Variants in TLE5 observed in about 807,000 individuals in gnomAD.
The protein encoded by TLE5 is TLE family member 5, transcriptional modulator, also known as TLE family member 5.
In TLE5, 7 loss-of-function variants were observed where a neutral mutation model predicts 25.8. The observed-to-expected ratio is 0.27, with a 90% CI of 0.15 to 0.51. The LOEUF is 0.51. Ranked by LOEUF, TLE5 falls within the 20% of genes least tolerant of loss-of-function variation. The pLI, the probability that TLE5 is intolerant of heterozygous loss-of-function variation, is 0.97. For synonymous variants in TLE5, 132 were observed against 110.5 expected (o/e 1.20, Z -1.22); for missense variants, 149 against 250.7 (o/e 0.59, Z 2.74).
In TLE5 at chr19:3,056,376, G is replaced by C; in HGVS notation, c.190-20C>G. On this transcript the variant is annotated intron_variant, in intron 3 of 6. Transcript: ENST00000327141. ...GTAGTACTGTATGGGGGAGAGAGAG[G>C]GGGAGCGGGAGATGGGGGTGGGGAA... 8.8e-7 allele frequency: 1 copy of C among 1,140,590 alleles called. No individual in the cohort carries two copies. Among genetic ancestry groups the C allele is most frequent in the Non-Finnish European group, 1.2e-6 (1 of 852,298 alleles). The allele number at this position is 1,140,590 out of a possible 1,614,324, so 70.7% of individuals were successfully genotyped here.
intron 4 of TLE5, 139 bp from the exon 5 acceptor site, chr19:3,055,865 G>T: frequency 3.3e-6 from 3 of 907,078 alleles, no homozygotes; most frequent in Non-Finnish European, 4.8e-6. Flanking sequence ...AGGGTGGGAT[G>T]AGCAAAGCCG....
chr19:3,053,462 T>C lies in TLE5; in HGVS notation c.*357A>G, dbSNP rs2145252507. ...AGAGGGCTGTGGCCCAGGCAGACTGTCGGTTACACATGTTCAAAACGGGGG... is the reference window on the plus strand; with the variant it reads ...AGAGGGCTGTGGCCCAGGCAGACTGCCGGTTACACATGTTCAAAACGGGGG... On this transcript the variant is annotated 3_prime_UTR_variant, in exon 7 of 7. Transcript: ENST00000327141. The C allele has an allele frequency of 3.2e-6, 1 of 312,970 alleles. No individual in the cohort carries two copies. Among genetic ancestry groups the C allele is most frequent in the East Asian group, 6.7e-5 (1 of 14,880 alleles). The allele number at this position is 312,970 out of a possible 1,614,324, so 19.4% of individuals were successfully genotyped here. A position where few individuals can be genotyped will look rare whatever the true frequency, so the allele number is the denominator to read the frequency against.
intron 4 of TLE5, 52 bp from the exon 5 acceptor site, chr19:3,055,778 G>C: frequency 6.5e-7 from 1 of 1,549,582 alleles, no homozygotes; most frequent in Middle Eastern, 1.7e-4. Context: ...GGCAGGTGCA[G>C]GCTAGCCACA....
In TLE5 at chr19:3,062,137, C is replaced by G. The variant is rs1473741790; in HGVS notation, c.27+37G>C. The G allele has an allele frequency of 6.0e-6, 6 of 1,002,392 alleles. No individual in the cohort carries two copies. The East Asian group carries it at 3.1e-4, about 51-fold the overall frequency. The allele number at this position is 1,002,392 out of a possible 1,614,324, so 62.1% of individuals were successfully genotyped here. A position where few individuals can be genotyped will look rare whatever the true frequency, so the allele number is the denominator to read the frequency against. On this transcript the variant is annotated intron_variant, in intron 1 of 6. Transcript: ENST00000327141. ...GGGGTCGGGGGCGTAGGGCCCGGAT[C>G]CGGGGTGGGGGCGCCGGCCGGACGG...
rs1027292013 is a variant in TLE5 at position 3,058,911 on chromosome 19, C to T, written c.126-1169G>A. Among the ~76,000 whole-genome samples the T allele has an allele frequency of 7.2e-4, 109 of 152,348 alleles. 1 individual carries two copies. The highest frequency in any genetic ancestry group is 2.5e-3 in the African/African-American group (105 of 41,588). On this transcript the variant is annotated intron_variant, in intron 2 of 6. Transcript: ENST00000327141. Reference sequence around the variant, plus strand: ...TTCAAAGCTCAGCCCTTCGTCTTCCCTGCTGTGTGACTCTAGGCAAACTCC... The same window carrying T: ...TTCAAAGCTCAGCCCTTCGTCTTCCTTGCTGTGTGACTCTAGGCAAACTCC...
rs1222236599 is a variant in TLE5, at chr19:3,057,668, AGTGAC to A, written c.189+6_189+10del. The stretch of plus-strand genomic sequence containing the variant: ...CCCCCAACACTGGACCTGGGGGCGG[AGTGAC>A]GTTACCATCACATAGTGACGCTGCA... On this transcript the variant is annotated splice_donor_region_variant and intron_variant, in intron 3 of 6. Transcript: ENST00000327141. The A allele has an allele frequency of 6.2e-7, 1 of 1,612,696 alleles. No individual in the cohort carries two copies. The highest frequency in any genetic ancestry group is 8.5e-7 in the Non-Finnish European group (1 of 1,179,390).
In TLE5 at chr19:3,055,735, C is replaced by T. The variant is rs760015237; in HGVS notation, c.235-9G>A. 6.9e-6 allele frequency: 11 copies of T among 1,604,972 alleles called. No homozygotes were observed. The Admixed American group carries it at 1.9e-4, about 27-fold the overall frequency. On this transcript the variant is annotated splice_polypyrimidine_tract_variant and intron_variant, in intron 4 of 6. Transcript: ENST00000327141. Reference sequence around the variant, plus strand: ...CTTTTGACGATCTCAGCCTGGAACACACAGATGAAGCCGGCTTCAGTCCTG... The same window carrying T: ...CTTTTGACGATCTCAGCCTGGAACATACAGATGAAGCCGGCTTCAGTCCTG...
intron 4 of TLE5, 113 bp downstream of exon 4, chr19:3,056,194 CTTGGT>C (rs1599269560): frequency 1.6e-6 from 1 of 618,864 alleles, no homozygotes; most frequent in African/African-American, 2.1e-5. Context: ...ACCGGGCTGG[CTTGGT>C]GCCCAGCCGA....
Position 3,053,662 on chromosome 19 carries a change from G to T in TLE5, c.*157C>A. 1.3e-6 allele frequency: 1 copy of T among 758,166 alleles called. No individual in the cohort carries two copies. The allele number at this position is 758,166 out of a possible 1,614,324, so 47.0% of individuals were successfully genotyped here. A position where few individuals can be genotyped will look rare whatever the true frequency, so the allele number is the denominator to read the frequency against. On this transcript the variant is annotated 3_prime_UTR_variant, in exon 7 of 7. Coordinates refer to ENST00000327141, the MANE Select transcript of TLE5 (RefSeq NM_001130.6). ...GTAGGAAGAAAGCTAGAGGTGGCCT[G>T]CAAGCTGGGCTGGGGCCCCCGCCGG...
chr19:3,060,303 T>C (rs2090253616), intron 2 of TLE5, among the ~76,000 whole-genome samples: 1 of 149,776 alleles, frequency 6.7e-6, no homozygotes, highest in Admixed American at 6.7e-5. Flanking sequence ...ATAACATCTC[T>C]GGGCTTAAGT....
intron 1 of TLE5, 74 bp downstream of exon 1, chr19:3,062,100 G>T (rs1465580922): frequency 2.0e-5 from 16 of 789,256 alleles, no homozygotes; most frequent in Non-Finnish European, 2.5e-5. Context: ...GGGGGCGCGG[G>T]GCCGGGAGCC....
chr19:3,056,327 G>C lies in TLE5; in HGVS notation c.219C>G (p.Ile73Met), dbSNP rs1401494957. 2 of 1,478,410 alleles carry C rather than the reference G, an allele frequency of 1.4e-6. No homozygotes were observed. Among genetic ancestry groups the C allele is most frequent in the East Asian group, 2.9e-5 (1 of 34,180 alleles). 91.6% of individuals were successfully genotyped at this position (1,478,410 alleles called of 1,614,324 possible). Residue 73 changes from isoleucine to methionine, a missense_variant, in exon 4 of 7, where the codon ATC becomes ATG. Transcript: ENST00000327141. ...MYYEMSYGLN[I>M]EMHKQAEIVK... ...ATGGGCGTACCTGTTTGTGCATCTCGATGTTCAAGCCGTAGGACATCTCGT... is the reference window on the plus strand; with the variant it reads ...ATGGGCGTACCTGTTTGTGCATCTCCATGTTCAAGCCGTAGGACATCTCGT...
At position 3,053,727 on chromosome 19, in the gene TLE5, G is replaced by A. The variant is rs899929998; in HGVS notation, c.*92C>T. The A allele has an allele frequency of 9.3e-6, 13 of 1,400,554 alleles. No homozygotes were observed. The highest frequency in any genetic ancestry group is 2.8e-5 in the African/African-American group (2 of 70,532). 86.8% of individuals were successfully genotyped at this position (1,400,554 alleles called of 1,614,324 possible). On this transcript the variant is annotated 3_prime_UTR_variant, in exon 7 of 7. Coordinates refer to ENST00000327141, the MANE Select transcript of TLE5 (RefSeq NM_001130.6). ...ACTATGGGAGTTTAGCCAATCCCGA[G>A]CTCCGCTGTGTCTTGTGCTAAACAT...
rs2090215838 is a variant in TLE5, at chr19:3,056,171, AG to A, written c.234+140del. ...AGCGGGAGCTTGGGGAGGGCTTAGG[AG>A]GTAACAGGATAACCGGGCTGGCTTG... On this transcript the variant is annotated intron_variant, in intron 4 of 6. Transcript: ENST00000327141. 5.6e-6 allele frequency: 3 copies of A among 539,956 alleles called. No individual in the cohort carries two copies. The Admixed American group carries it at 1.1e-4, about 20-fold the overall frequency. 33.4% of individuals were successfully genotyped at this position (539,956 alleles called of 1,614,324 possible).
In TLE5 at chr19:3,057,461, C is replaced by G. The variant is rs894264714; in HGVS notation, c.189+218G>C. 5.3e-6 allele frequency: 3 copies of G among 562,686 alleles called. No individual in the cohort carries two copies. In the South Asian group the frequency reaches 6.2e-5, roughly 12 times the overall value. The allele number at this position is 562,686 out of a possible 1,614,324, so 34.9% of individuals were successfully genotyped here. On this transcript the variant is annotated intron_variant, in intron 3 of 6. Coordinates refer to ENST00000327141, the MANE Select transcript of TLE5 (RefSeq NM_001130.6). ...GGACCTGGCAGGGCCGGTCTGCAAC[C>G]CGGCGGTTTGGCACCTCGGCCACTG...
intron 3 of TLE5, chr19:3,057,433 G>A (rs562583610): frequency 3.6e-5 from 19 of 531,194 alleles, no homozygotes; most frequent in Admixed American, 2.6e-4. Context: ...AAGGACAGCC[G>A]GGGGACCTGG....
chr19:3,054,314 TCCCAGTGGTTTTCAA>T, intron 5 of TLE5, 120 bp from the exon 6 acceptor site: 1 of 935,184 alleles, frequency 1.1e-6, no homozygotes, highest in East Asian at 2.6e-5. Flanking sequence ...TGTCTGCTCC[TCCCAGTGGTTTTCAA>T]CCCCATCAGA....
Position 3,054,211 on chromosome 19 carries a change from G to T in TLE5, c.298-17C>A. 6.2e-7 allele frequency: 1 copy of T among 1,605,858 alleles called. No individual in the cohort carries two copies. Among genetic ancestry groups the T allele is most frequent in the South Asian group, 1.1e-5 (1 of 89,270 alleles). ...CTGCTGGTGCTGGAAGGGGGTCGGG[G>T]GAGAGGAGAGGCAGTGATTCCTCCT... On this transcript the variant is annotated splice_polypyrimidine_tract_variant and intron_variant, in intron 5 of 6. Coordinates refer to ENST00000327141, the MANE Select transcript of TLE5 (RefSeq NM_001130.6).
rs1371149764 is a variant in TLE5 at position 3,053,888 on chromosome 19, G to C, written c.525C>G (p.Leu175=). The part of the protein sequence containing the change: ...SLSALGSQAH[L]SKEDKNGHDG... ...CGTGCCCGTTCTTGTCTTCCTTGGA[G>C]AGGTGGGCCTGGGAACCCAGCGCGG... The change falls in exon 7 of 7, where the codon CTC becomes CTG. Residue 175 remains leucine (L), a synonymous_variant. Coordinates refer to ENST00000327141, the MANE Select transcript of TLE5 (RefSeq NM_001130.6). The C allele has an allele frequency of 3.1e-6, 5 of 1,613,322 alleles. No homozygotes were observed. Among genetic ancestry groups the C allele is most frequent in the Non-Finnish European group, 4.2e-6 (5 of 1,180,006 alleles).
Sources: gnomAD v4.1 joint callset for allele counts (sites outside exome capture counted in the v4.1 genomes callset) on GRCh38, gnomAD v4.1.1 for gene constraint, MANE v1.5 for transcripts, NCBI Gene and HGNC (gene_info 2026-07-23, HGNC 2026-07-21) for gene names.